The following PREX1 variants were observed in gnomAD, a reference collection of about 807,000 sequenced individuals.
The protein encoded by PREX1 is phosphatidylinositol-3,4,5-trisphosphate dependent Rac exchange factor 1.
Under a neutral mutation model 198.3 loss-of-function variants are expected in PREX1, and 41 were observed. The observed-to-expected ratio is 0.21, with a 90% CI of 0.16 to 0.27. PREX1 has a LOEUF of 0.27. PREX1 is among the 10% of genes least tolerant of loss of function. The pLI is 1.00. For missense variants in PREX1, 1,620 were observed against 2,200.7 expected, an observed-to-expected ratio of 0.74 and a Z score of 5.28; for synonymous variants, 843 against 887.2, an observed-to-expected ratio of 0.95 and a Z score of 0.89.
At chr20:48,848,618 C>G in the PREX1 span, among the ~76,000 whole-genome samples, 866 of 152,224 alleles carry the variant, frequency 5.7e-3, 11 homozygotes, top group African/African-American at 0.019. Context: ...GGCTAAAATA[C>G]CTTTGGATAA....
chr20:48,696,018 A>G (rs1029771138), intron 7 of PREX1, among the ~76,000 whole-genome samples: 1 of 152,258 alleles, frequency 6.6e-6, no homozygotes, highest in Non-Finnish European at 1.5e-5. Flanking sequence ...TACTCTGGCC[A>G]TTATACAAAC....
chr20:48,872,028 G>A, the PREX1 span, among the ~76,000 whole-genome samples: 7 of 151,818 alleles, frequency 4.6e-5, no homozygotes, highest in South Asian at 2.1e-4. Flanking sequence ...GCGTGGTGGC[G>A]GGCACCTGTA....
chr20:48,695,945 C>CA lies in PREX1; in HGVS notation c.918-3156dup, dbSNP rs1195602267. Among the ~76,000 whole-genome samples, 5 of 152,248 alleles carry CA rather than the reference C, an allele frequency of 3.3e-5. No individual in the cohort carries two copies. In the East Asian group the frequency reaches 9.6e-4, roughly 29 times the overall value. On this transcript the variant is annotated intron_variant, in intron 7 of 39. Transcript: ENST00000371941. ...CAGTGTTCCAATAAAACTTTATTGA[C>CA]AAAAATAGGCACAGGGCCAAGTCTG...
chr20:48,824,998 A>G (rs1186572589), intron 1 of PREX1, among the ~76,000 whole-genome samples: 2 of 152,206 alleles, frequency 1.3e-5, no homozygotes, highest in East Asian at 1.9e-4. Flanking sequence ...AGGAGACAGC[A>G]GGGAAAATCC....
the PREX1 span, among the ~76,000 whole-genome samples, chr20:48,870,384 C>T: frequency 6.6e-6 from 1 of 152,214 alleles, no homozygotes; most frequent in Non-Finnish European, 1.5e-5. Context: ...AGTGACTCGC[C>T]TCAAGTTGCC....
At chr20:48,769,183 G>A (rs764217760) in intron 1 of PREX1, among the ~76,000 whole-genome samples, 3 of 152,042 alleles carry the variant, frequency 2.0e-5, no homozygotes, top group Non-Finnish European at 4.4e-5. Context: ...ACACCCCCTC[G>A]CTGCCTCCCA....
Position 48,688,860 on chromosome 20 carries a change from TA to T in PREX1, c.1187-57del. ...AGCACCAGGCCCAGGGCAGGGGGGG[TA>T]GGGGGAGACAAGGGGCAGGCCCACA... On this transcript the variant is annotated intron_variant, in intron 9 of 39. Coordinates refer to ENST00000371941, the MANE Select transcript of PREX1 (RefSeq NM_020820.4). The T allele has an allele frequency of 3.1e-6, 5 of 1,605,262 alleles. No homozygotes were observed. The Middle Eastern group carries it at 8.3e-4, about 266-fold the overall frequency.
In PREX1 at chr20:48,639,747, A is replaced by G; in HGVS notation, c.3904+19T>C. ...CATGGCCCCCTCCCCACCATGATGC[A>G]CCCTCCCTGCCCACCGACCTTCCAC... is the stretch of plus-strand genomic sequence containing the variant. On this transcript the variant is annotated intron_variant, in intron 30 of 39. Coordinates refer to ENST00000371941, the MANE Select transcript of PREX1 (RefSeq NM_020820.4). 1 of 1,612,232 alleles carries G rather than the reference A, an allele frequency of 6.2e-7. No homozygotes were observed. The highest frequency in any genetic ancestry group is 1.3e-5 in the African/African-American group (1 of 74,834).
At chr20:48,632,422 C>T (rs763984085) in intron 34 of PREX1, 31 bp from the exon 35 acceptor site, 59 of 1,612,862 alleles carry the variant, frequency 3.7e-5, no homozygotes, top group Admixed American at 1.8e-4. Context: ...GGCGGGCAGG[C>T]GGTTGGGAGC....
chr20:48,631,188 G>C (rs1275303273), intron 35 of PREX1, among the ~76,000 whole-genome samples: 6 of 152,238 alleles, frequency 3.9e-5, no homozygotes, highest in Non-Finnish European at 4.4e-5. Context: ...CTTCTGTGAA[G>C]AGCCCAACGG....
At position 48,666,148 on chromosome 20, in the gene PREX1, G is replaced by A. The variant is rs2089638978; in HGVS notation, c.1738+135C>T. 2 of 802,990 alleles carry A rather than the reference G, an allele frequency of 2.5e-6. No homozygotes were observed. The highest frequency in any genetic ancestry group is 4.0e-6 in the Non-Finnish European group (2 of 505,238). The allele number at this position is 802,990 out of a possible 1,614,324, so 49.7% of individuals were successfully genotyped here. The stretch of plus-strand genomic sequence containing the variant: ...TTCAGAACGGGAAGGGGAGGGAGGT[G>A]GGATTCGTGAGCCTCCCCAAACCCC... On this transcript the variant is annotated intron_variant, in intron 15 of 39. Transcript: ENST00000371941. The surrounding 1 kb of genome is among the most constrained non-coding windows in gnomAD (Gnocchi z 4.3).
At chr20:48,838,460 A>G in the PREX1 span, among the ~76,000 whole-genome samples, 1 of 152,246 alleles carries the variant, frequency 6.6e-6, no homozygotes. Flanking sequence ...CATCATTTAT[A>G]ATAGCCCTAT....
chr20:48,649,619 G>T (rs1297950719), intron 24 of PREX1, 43 bp from the exon 25 acceptor site: 2 of 1,536,210 alleles, frequency 1.3e-6, no homozygotes, highest in Non-Finnish European at 1.8e-6. Context: ...ACAGCCCCCA[G>T]CATCCACTGG....
intron 1 of PREX1, among the ~76,000 whole-genome samples, chr20:48,795,515 G>A (rs2090358156): frequency 6.6e-6 from 1 of 151,462 alleles, no homozygotes; most frequent in Non-Finnish European, 1.5e-5. Flanking sequence ...AGCCAGGGAC[G>A]CTCCTAAACA....
rs61585740 is a variant in PREX1 at position 48,722,079 on chromosome 20, G to C, written c.621+4211C>G. Reference sequence around the variant, plus strand: ...GCCGGAAGACAAGCCCAGGGTCTAGGGGAGAGGTCCGGGCTGAAGTCATCC... The same window carrying C: ...GCCGGAAGACAAGCCCAGGGTCTAGCGGAGAGGTCCGGGCTGAAGTCATCC... On this transcript the variant is annotated intron_variant, in intron 5 of 39. Transcript: ENST00000371941. Among the ~76,000 whole-genome samples, 362 of 152,216 alleles carry C rather than the reference G, an allele frequency of 2.4e-3. 3 individuals carry two copies. Among genetic ancestry groups the C allele is most frequent in the African/African-American group, 8.4e-3 (347 of 41,502 alleles).
intron 29 of PREX1, 75 bp downstream of exon 29, chr20:48,642,093 T>C: frequency 6.8e-7 from 1 of 1,469,368 alleles, no homozygotes; most frequent in Non-Finnish European, 9.5e-7. Flanking sequence ...GAGCTGAGCA[T>C]TAGCCCGGGT....
intron 13 of PREX1, among the ~76,000 whole-genome samples, chr20:48,678,264 T>G (rs1297007115): frequency 1.3e-5 from 2 of 151,356 alleles, no homozygotes; most frequent in African/African-American, 4.9e-5. Flanking sequence ...AAGCCAAGAT[T>G]GCGCCACTGC....
intron 1 of PREX1, among the ~76,000 whole-genome samples, chr20:48,754,349 T>TA (rs967245667): frequency 1.6e-4 from 24 of 152,236 alleles, no homozygotes; most frequent in African/African-American, 5.5e-4. Context: ...AGCTGGGCCT[T>TA]AAACCCAGAC....
chr20:48,808,956 T>G (rs2090423389), intron 1 of PREX1, among the ~76,000 whole-genome samples: 1 of 152,068 alleles, frequency 6.6e-6, no homozygotes, highest in Non-Finnish European at 1.5e-5. Flanking sequence ...CACAGCTGAG[T>G]CTTCAATAGA....
Sources: gnomAD v4.1 joint callset for allele counts (sites outside exome capture counted in the v4.1 genomes callset) on GRCh38, gnomAD v4.1.1 for gene constraint, Gnocchi (gnomAD v3.1) non-coding constraint, MANE v1.5 for transcripts, NCBI Gene and HGNC (gene_info 2026-07-23, HGNC 2026-07-21) for gene names.